The following SNTG1 variants were observed in gnomAD, a reference collection of about 807,000 sequenced individuals.
SNTG1 encodes gamma-1-syntrophin.
SNTG1 carries 39 observed loss-of-function variants against 74.7 expected under a neutral mutation model. The observed-to-expected ratio is 0.52, with a 90% CI of 0.40 to 0.68. SNTG1 has a LOEUF of 0.68. Among genes scored for constraint, SNTG1 ranks in the 30% least tolerant of loss-of-function variants. The pLI, the probability that SNTG1 is intolerant of heterozygous loss-of-function variation, is 0.00. For synonymous variants in SNTG1, 254 were observed against 217.1 expected, an observed-to-expected ratio of 1.17 and a Z score of -1.49; for missense variants, 685 against 609.5, an observed-to-expected ratio of 1.12 and a Z score of -1.30.
intron 2 of SNTG1, among the ~76,000 whole-genome samples, chr8:50,222,661 C>T (rs1474349588): frequency 6.6e-6 from 1 of 152,128 alleles, no homozygotes; most frequent in Non-Finnish European, 1.5e-5. Context: ...CATTAGTTTG[C>T]CGCTAGGGAT....
intron 4 of SNTG1, among the ~76,000 whole-genome samples, chr8:50,425,441 G>C (rs1209026003): frequency 6.6e-6 from 1 of 152,104 alleles, no homozygotes; most frequent in Non-Finnish European, 1.5e-5. Context: ...CTGATGATCT[G>C]TCACTGTCTC....
At chr8:50,213,029 A>T (rs2084597976) in intron 2 of SNTG1, among the ~76,000 whole-genome samples, 1 of 152,052 alleles carries the variant, frequency 6.6e-6, no homozygotes, top group African/African-American at 2.4e-5. Context: ...CCTCTAAACT[A>T]CTCATATTTT....
intron 1 of SNTG1, among the ~76,000 whole-genome samples, chr8:50,038,546 G>C (rs1026999191): frequency 6.6e-6 from 1 of 152,080 alleles, no homozygotes; most frequent in Admixed American, 6.5e-5. Flanking sequence ...CTCATGGCAG[G>C]CCACATTGAT....
chr8:50,419,882 AT>A (rs141105129), intron 4 of SNTG1, among the ~76,000 whole-genome samples: 7,096 of 152,234 alleles, frequency 0.047, 212 homozygotes, highest in Middle Eastern at 0.095. Context: ...AATAATTGAA[AT>A]AAAAACTCAA....
chr8:50,237,453 T>A (rs1375416105), intron 2 of SNTG1, among the ~76,000 whole-genome samples: 1 of 152,184 alleles, frequency 6.6e-6, no homozygotes, highest in Non-Finnish European at 1.5e-5. Context: ...CTTATTTCAT[T>A]GGCATTTTGA....
intron 2 of SNTG1, among the ~76,000 whole-genome samples, chr8:50,245,636 T>C (rs1263355507): frequency 6.6e-6 from 1 of 151,872 alleles, no homozygotes; most frequent in Admixed American, 6.6e-5. Context: ...TGAGCCGAGA[T>C]TGCACCACTG....
At chr8:50,463,100 C>T (rs2093580970) in intron 8 of SNTG1, among the ~76,000 whole-genome samples, 1 of 152,130 alleles carries the variant, frequency 6.6e-6, no homozygotes, top group Non-Finnish European at 1.5e-5. Context: ...TAGGCGTAAG[C>T]CACCACGTCC....
At chr8:50,036,958 C>T (rs536746565) in intron 1 of SNTG1, among the ~76,000 whole-genome samples, 1 of 152,326 alleles carries the variant, frequency 6.6e-6, no homozygotes, top group South Asian at 2.1e-4. Flanking sequence ...AATCTGCAAT[C>T]TCTGGAAGTG....
intron 1 of SNTG1, among the ~76,000 whole-genome samples, chr8:49,991,687 T>C (rs1813705487): frequency 6.6e-6 from 1 of 152,166 alleles, no homozygotes; most frequent in African/African-American, 2.4e-5. Context: ...CATTACGCTA[T>C]TGAAATAATC....
intron 1 of SNTG1, among the ~76,000 whole-genome samples, chr8:49,987,020 G>A (rs1813226694): frequency 6.6e-6 from 1 of 152,178 alleles, no homozygotes; most frequent in South Asian, 2.1e-4. Context: ...TTTGCCCTTA[G>A]CTTATGTTGG....
At chr8:50,446,216 G>A (rs1377250010) in intron 5 of SNTG1, among the ~76,000 whole-genome samples, 2 of 152,160 alleles carry the variant, frequency 1.3e-5, no homozygotes, top group Non-Finnish European at 2.9e-5. Flanking sequence ...CTAATTAACT[G>A]TAGCAGCTGA....
At chr8:50,581,337 TCA>T (rs2094608444) in intron 12 of SNTG1, among the ~76,000 whole-genome samples, 1 of 152,188 alleles carries the variant, frequency 6.6e-6, no homozygotes, top group South Asian at 2.1e-4. Context: ...TATTTAAGAA[TCA>T]ATAAATTCTA....
chr8:50,756,117 TGA>T (rs58552181), intron 18 of SNTG1, among the ~76,000 whole-genome samples: 33,198 of 151,758 alleles, frequency 0.22, 3,770 homozygotes, highest in South Asian at 0.32. Context: ...TTGATATCAT[TGA>T]GTTTTAACAG....
chr8:50,501,057 G>T (rs906228452), intron 8 of SNTG1, among the ~76,000 whole-genome samples: 1 of 152,170 alleles, frequency 6.6e-6, no homozygotes, highest in African/African-American at 2.4e-5. Flanking sequence ...TCTGAGTGGG[G>T]CAGAGTGTTC....
At chr8:50,516,263 G>A (rs1004877314) in intron 9 of SNTG1, among the ~76,000 whole-genome samples, 1 of 151,996 alleles carries the variant, frequency 6.6e-6, no homozygotes, top group Non-Finnish European at 1.5e-5. Flanking sequence ...TCAACAAAAA[G>A]GACATCCACA....
At chr8:50,388,878 G>A (rs540172776) in intron 2 of SNTG1, among the ~76,000 whole-genome samples, 1 of 152,276 alleles carries the variant, frequency 6.6e-6, no homozygotes, top group African/African-American at 2.4e-5. Flanking sequence ...AGCAGCTAAA[G>A]CTCACCACCA....
At chr8:50,020,368 C>A (rs1816710946) in intron 1 of SNTG1, among the ~76,000 whole-genome samples, 1 of 152,120 alleles carries the variant, frequency 6.6e-6, no homozygotes, top group Non-Finnish European at 1.5e-5. Context: ...TCCTACACAG[C>A]TGCCAGGCTG....
At chr8:50,129,725 A>G (rs1156328072) in intron 1 of SNTG1, among the ~76,000 whole-genome samples, 1 of 152,214 alleles carries the variant, frequency 6.6e-6, no homozygotes, top group African/African-American at 2.4e-5. Flanking sequence ...CTCATAGTCA[A>G]CAATTGCAAA....
chr8:50,330,168 T>C (rs765458527), intron 2 of SNTG1, among the ~76,000 whole-genome samples: 2 of 152,132 alleles, frequency 1.3e-5, no homozygotes, highest in East Asian at 3.9e-4. Flanking sequence ...CTCATGCTGT[T>C]CCTGTGATAG....
Sources: allele counts gnomAD v4.1 joint callset (sites outside exome capture counted in the v4.1 genomes callset), GRCh38; gene constraint gnomAD v4.1.1; transcripts MANE v1.5; gene names NCBI Gene and HGNC (gene_info 2026-07-23, HGNC 2026-07-21).